CNTNAP2: variants seen among roughly 807,000 people sequenced by gnomAD.
CNTNAP2 encodes contactin-associated protein-like 2.
Under a neutral mutation model 155.2 loss-of-function variants are expected in CNTNAP2, and 98 were observed. That is an observed-to-expected ratio of 0.63 (90% CI 0.54 to 0.75). CNTNAP2 has a LOEUF of 0.75. Among genes scored for constraint, CNTNAP2 ranks in the 30% least tolerant of loss-of-function variants. CNTNAP2 has a pLI of 0.00. For missense variants in CNTNAP2, 1,727 were observed against 1,688.1 expected (o/e 1.02, Z -0.40); for synonymous variants, 651 against 631.2 (o/e 1.03, Z -0.47).
intron 1 of CNTNAP2, among the ~76,000 whole-genome samples, chr7:146,344,139 A>G (rs1794782344): frequency 6.6e-6 from 1 of 152,160 alleles, no homozygotes; most frequent in African/African-American, 2.4e-5. Flanking sequence ...TTTTTGTTGC[A>G]ATGATTCTTC....
chr7:147,383,070 CCAA>C (rs1796563922), intron 9 of CNTNAP2, among the ~76,000 whole-genome samples: 1 of 151,992 alleles, frequency 6.6e-6, no homozygotes, highest in Admixed American at 6.6e-5. Flanking sequence ...ATTGAAATTG[CCAA>C]CACTATTTTT....
intron 8 of CNTNAP2, among the ~76,000 whole-genome samples, chr7:147,276,655 C>T (rs1367946447): frequency 6.6e-6 from 1 of 152,026 alleles, no homozygotes; most frequent in Non-Finnish European, 1.5e-5. Flanking sequence ...TCTACTGTAA[C>T]AGCATAATAT....
intron 11 of CNTNAP2, among the ~76,000 whole-genome samples, chr7:147,508,347 G>A (rs1271954229): frequency 6.6e-6 from 1 of 152,038 alleles, no homozygotes; most frequent in Non-Finnish European, 1.5e-5. Flanking sequence ...CCCAGCCACT[G>A]AAGCCAGTAA....
At chr7:146,597,574 C>T (rs1798882136) in intron 1 of CNTNAP2, among the ~76,000 whole-genome samples, 1 of 151,954 alleles carries the variant, frequency 6.6e-6, no homozygotes, top group South Asian at 2.1e-4. Flanking sequence ...TGCACTGTTT[C>T]ACTAATCCTT....
intron 15 of CNTNAP2, among the ~76,000 whole-genome samples, chr7:148,057,135 C>T (rs1803030008): frequency 6.6e-6 from 1 of 152,172 alleles, no homozygotes; most frequent in Non-Finnish European, 1.5e-5. Context: ...TACATAAGAG[C>T]CACTGTTGTT....
At chr7:147,811,446 T>C (rs931694777) in intron 13 of CNTNAP2, among the ~76,000 whole-genome samples, 5 of 152,134 alleles carry the variant, frequency 3.3e-5, no homozygotes, top group Admixed American at 6.5e-5. Context: ...CACCAAATCA[T>C]GGCTTTCAGA....
chr7:148,052,296 CAT>C (rs1011313861), intron 15 of CNTNAP2, among the ~76,000 whole-genome samples: 33 of 145,820 alleles, frequency 2.3e-4, no homozygotes, highest in Non-Finnish European at 3.7e-4. Flanking sequence ...ATATAAAAAT[CAT>C]AATATGTTTT....
At chr7:148,339,816 G>T (rs1056829638) in intron 21 of CNTNAP2, among the ~76,000 whole-genome samples, 4 of 152,154 alleles carry the variant, frequency 2.6e-5, no homozygotes, top group African/African-American at 9.7e-5. Context: ...AAAAATTTCC[G>T]ATTCTTGATC....
intron 13 of CNTNAP2, among the ~76,000 whole-genome samples, chr7:147,877,555 T>C (rs1385209625): frequency 1.3e-5 from 2 of 152,252 alleles, no homozygotes; most frequent in African/African-American, 2.4e-5. Flanking sequence ...GTAAAACCCT[T>C]CATTTATTTC....
chr7:147,394,727 A>T (rs1796781399), intron 9 of CNTNAP2, among the ~76,000 whole-genome samples: 1 of 151,598 alleles, frequency 6.6e-6, no homozygotes, highest in Non-Finnish European at 1.5e-5. Context: ...GTGATCTCTT[A>T]AAGTTATTTA....
intron 8 of CNTNAP2, among the ~76,000 whole-genome samples, chr7:147,135,225 G>C (rs921580108): frequency 4.6e-5 from 7 of 151,712 alleles, no homozygotes; most frequent in Admixed American, 1.3e-4. Context: ...AGTCTCATTA[G>C]TAATCAACAG....
intron 1 of CNTNAP2, among the ~76,000 whole-genome samples, chr7:146,662,104 C>G (rs1405920639): frequency 2.0e-5 from 3 of 149,756 alleles, no homozygotes; most frequent in Admixed American, 6.6e-5. Flanking sequence ...CCATCCTTAT[C>G]TTTTCTTTGG....
At chr7:146,470,358 A>G (rs73462790) in intron 1 of CNTNAP2, among the ~76,000 whole-genome samples, 1,661 of 152,296 alleles carry the variant, frequency 0.011, 34 homozygotes, top group African/African-American at 0.035. Context: ...AGAGATAATA[A>G]ATAAACATCA....
chr7:148,368,951 G>A (rs1171398841), intron 21 of CNTNAP2, among the ~76,000 whole-genome samples: 1 of 152,092 alleles, frequency 6.6e-6, no homozygotes, highest in Non-Finnish European at 1.5e-5. Flanking sequence ...CTGGTTTCGG[G>A]TCTGGTTCCT....
rs578176396 is a variant in CNTNAP2 at position 147,230,967 on chromosome 7, T to C, written c.1349-69174T>C. 1.9e-4 allele frequency among the ~76,000 whole-genome samples: 29 copies of C among 152,316 alleles called. 1 individual carries two copies. The South Asian group carries it at 5.2e-3, about 27-fold the overall frequency. Reference sequence around the variant, plus strand: ...GCTTTAATTGGCTCACAGATCTGTGTGGCTGGGGAGACCTCAGGAAACTTA... The same window carrying C: ...GCTTTAATTGGCTCACAGATCTGTGCGGCTGGGGAGACCTCAGGAAACTTA... On this transcript the variant is annotated intron_variant, in intron 8 of 23. Transcript: ENST00000361727.
intron 1 of CNTNAP2, among the ~76,000 whole-genome samples, chr7:146,481,225 G>A (rs1459134164): frequency 6.6e-6 from 1 of 152,042 alleles, no homozygotes; most frequent in East Asian, 1.9e-4. Flanking sequence ...TTTAGTTCTT[G>A]TTAATCAGTC....
intron 8 of CNTNAP2, among the ~76,000 whole-genome samples, chr7:147,280,889 CAAGTTTTGGA>C (rs1563144696): frequency 6.6e-6 from 1 of 151,766 alleles, no homozygotes; most frequent in Non-Finnish European, 1.5e-5. Flanking sequence ...AACAAAATCT[CAAGTTTTGGA>C]AAGTGCAGAG....
chr7:146,716,678 A>C (rs565159953), intron 1 of CNTNAP2, among the ~76,000 whole-genome samples: 20 of 152,322 alleles, frequency 1.3e-4, no homozygotes, highest in Non-Finnish European at 2.8e-4. Context: ...TCCAAGCCCC[A>C]GATTTCTCAT....
At chr7:148,113,894 G>T (rs1318971591) in intron 15 of CNTNAP2, among the ~76,000 whole-genome samples, 1 of 152,206 alleles carries the variant, frequency 6.6e-6, no homozygotes, top group Non-Finnish European at 1.5e-5. Flanking sequence ...ACTGTTGACT[G>T]ACCCTTCCAG....
Sources: gnomAD v4.1 joint callset for allele counts (sites outside exome capture counted in the v4.1 genomes callset) on GRCh38, gnomAD v4.1.1 for gene constraint, MANE v1.5 for transcripts, NCBI Gene and HGNC (gene_info 2026-07-23, HGNC 2026-07-21) for gene names.